Variants in XPR1 observed in about 807,000 individuals in gnomAD.
XPR1 encodes the protein xenotropic and polytropic retrovirus receptor 1.
A neutral mutation model predicts 87.5 loss-of-function variants in XPR1; 28 were observed. The observed-to-expected ratio is 0.32, with a 90% confidence interval of 0.24 to 0.44. The LOEUF (loss-of-function observed/expected upper bound fraction) is 0.44, where lower values mean the gene tolerates loss of function less well. XPR1 is among the 20% of genes least tolerant of loss of function. The pLI, the probability that XPR1 is intolerant of heterozygous loss-of-function variation, is 1.00. For synonymous variants in XPR1, 300 were observed against 306.1 expected, an observed-to-expected ratio of 0.98 and a Z score of 0.21; for missense variants, 559 against 862.3, an observed-to-expected ratio of 0.65 and a Z score of 4.41.
chr1:180,859,155 T>C (rs1390295898), intron 11 of XPR1, among the ~76,000 whole-genome samples: 1 of 14,552 alleles, frequency 6.9e-5, no homozygotes, highest in Non-Finnish European at 1.6e-4. Flanking sequence ...GTAATTTTTC[T>C]GATTTCTCTC....
At chr1:180,642,245 G>A (rs1019349112) in intron 1 of XPR1, among the ~76,000 whole-genome samples, 6 of 152,060 alleles carry the variant, frequency 3.9e-5, no homozygotes, top group Admixed American at 6.5e-5. Context: ...AATTGGCCTC[G>A]TTCCTCTGTA....
chr1:180,659,278 C>T (rs1195105042), intron 1 of XPR1, among the ~76,000 whole-genome samples: 1 of 119,842 alleles, frequency 8.3e-6, no homozygotes, highest in Non-Finnish European at 1.7e-5. Context: ...CCCTCCCTCC[C>T]TTCTTTCCCA....
intron 1 of XPR1, among the ~76,000 whole-genome samples, chr1:180,671,765 G>A (rs1377599780): frequency 3.9e-5 from 6 of 152,122 alleles, no homozygotes; most frequent in African/African-American, 4.8e-5. Flanking sequence ...TGCCTGCTTC[G>A]GCCTCCCAAA....
intron 1 of XPR1, among the ~76,000 whole-genome samples, chr1:180,661,192 G>C (rs1473605323): frequency 2.6e-5 from 4 of 151,316 alleles, no homozygotes; most frequent in African/African-American, 9.7e-5. Flanking sequence ...GTTTCTATTG[G>C]CATGGAATAA....
In XPR1 at chr1:180,656,449, TTATA is replaced by T. The variant is rs1371281550; in HGVS notation, c.69+24183_69+24186del. 2.7e-3 allele frequency among the ~76,000 whole-genome samples: 50 copies of T among 18,680 alleles called. 6 individuals are homozygous for T. Among genetic ancestry groups the T allele is most frequent in the African/African-American group, 6.7e-3 (35 of 5,190 alleles). The allele number at this position is 18,680 out of a possible 152,430, so 12.3% of individuals were successfully genotyped here. On this transcript the variant is annotated intron_variant, in intron 1 of 14. Coordinates refer to ENST00000367590, the MANE Select transcript of XPR1 (RefSeq NM_004736.4). ...TATTTATATATTTATATATAAATATTTATATATTTATATATAATATTTATACATT... is the reference window on the plus strand; with the variant it reads ...TATTTATATATTTATATATAAATATTTATTTATATATAATATTTATACATT...
intron 7 of XPR1, among the ~76,000 whole-genome samples, chr1:180,821,796 G>A (rs571806150): frequency 1.2e-3 from 177 of 152,240 alleles, no homozygotes; most frequent in South Asian, 2.7e-3. Context: ...GAATGCTATT[G>A]TAGTTAGAAT....
intron 2 of XPR1, among the ~76,000 whole-genome samples, chr1:180,716,363 A>G (rs1657995449): frequency 1.3e-5 from 2 of 152,102 alleles, no homozygotes; most frequent in Admixed American, 1.3e-4. Flanking sequence ...TTCTAGGATT[A>G]TAAACATGAG....
intron 2 of XPR1, among the ~76,000 whole-genome samples, chr1:180,774,621 G>A (rs949581463): frequency 1.3e-5 from 2 of 151,518 alleles, no homozygotes. Context: ...GTTAGCCAGG[G>A]TAGTCTCAAT....
intron 1 of XPR1, among the ~76,000 whole-genome samples, chr1:180,637,071 AG>A (rs1481225432): frequency 4.6e-4 from 66 of 142,142 alleles, no homozygotes; most frequent in Non-Finnish European, 7.1e-4. Flanking sequence ...AAAAAAAAAA[AG>A]GAAAAGTAAG....
At chr1:180,759,450 A>T in intron 2 of XPR1, among the ~76,000 whole-genome samples, 1 of 152,226 alleles carries the variant, frequency 6.6e-6, no homozygotes, top group Non-Finnish European at 1.5e-5. Flanking sequence ...CCGATCCCAC[A>T]GAAATACAAA....
chr1:180,790,317 C>G (rs533226353), intron 3 of XPR1, among the ~76,000 whole-genome samples: 1 of 152,032 alleles, frequency 6.6e-6, no homozygotes, highest in East Asian at 1.9e-4. Context: ...TTTAACTTCC[C>G]TTTATACCAA....
At chr1:180,640,948 A>G (rs1654942860) in intron 1 of XPR1, among the ~76,000 whole-genome samples, 1 of 152,194 alleles carries the variant, frequency 6.6e-6, no homozygotes, top group South Asian at 2.1e-4. Flanking sequence ...ATGGGAAAAG[A>G]GGTTAAGTGA....
At chr1:180,735,803 T>C (rs1247734126) in intron 2 of XPR1, among the ~76,000 whole-genome samples, 1 of 152,218 alleles carries the variant, frequency 6.6e-6, no homozygotes, top group Non-Finnish European at 1.5e-5. Flanking sequence ...AAAATATCAT[T>C]TTTATTTGTT....
At chr1:180,667,290 C>A (rs1655997256) in intron 1 of XPR1, among the ~76,000 whole-genome samples, 1 of 152,028 alleles carries the variant, frequency 6.6e-6, no homozygotes, top group African/African-American at 2.4e-5. Flanking sequence ...TATACCTAGT[C>A]TTTTGAATTT....
In XPR1 at chr1:180,863,850, G is replaced by T; in HGVS notation, c.1644G>T (p.Arg548=). ...ATGCTGGAGAGAACACTTTCCTCCGGGAAGAGATTGTATACCCCCAAAAAG... is the reference window on the plus strand; with the variant it reads ...ATGCTGGAGAGAACACTTTCCTCCGTGAAGAGATTGTATACCCCCAAAAAG... ...DKNAGENTFL[R]EEIVYPQKAY... Residue 548 remains arginine, a synonymous_variant, in exon 12 of 15, where the codon CGG becomes CGT. Coordinates refer to ENST00000367590, the MANE Select transcript of XPR1 (RefSeq NM_004736.4). 6.2e-7 allele frequency: 1 copy of T among 1,601,804 alleles called. No individual in the cohort carries two copies. Among genetic ancestry groups the T allele is most frequent in the Non-Finnish European group, 8.5e-7 (1 of 1,176,276 alleles).
chr1:180,834,752 A>T, intron 9 of XPR1, 122 bp from the exon 10 acceptor site: 2 of 1,122,058 alleles, frequency 1.8e-6, no homozygotes, highest in Non-Finnish European at 2.4e-6. Context: ...TGTATTTATG[A>T]TTGGTTCTTT....
intron 2 of XPR1, among the ~76,000 whole-genome samples, chr1:180,707,829 T>G (rs934678897): frequency 1.8e-4 from 28 of 152,316 alleles, no homozygotes; most frequent in African/African-American, 6.7e-4. Context: ...AGGGTCCTGA[T>G]TATGGTTGTG....
At chr1:180,769,192 A>G (rs926693495) in intron 2 of XPR1, among the ~76,000 whole-genome samples, 2 of 152,166 alleles carry the variant, frequency 1.3e-5, no homozygotes, top group Non-Finnish European at 2.9e-5. Context: ...TGCAATGCAT[A>G]GTAGTCACAT....
rs370774135 is a variant in XPR1 at position 180,881,273 on chromosome 1, C to T, written c.2030+976C>T. ...GCACCTCCTGGGTTCACGCCATTCTCCTGCCTCAGCCTCCCGAGTAGCTGG... is the reference window on the plus strand; with the variant it reads ...GCACCTCCTGGGTTCACGCCATTCTTCTGCCTCAGCCTCCCGAGTAGCTGG... On this transcript the variant is annotated intron_variant, in intron 14 of 14. Coordinates refer to ENST00000367590, the MANE Select transcript of XPR1 (RefSeq NM_004736.4). 5.9e-3 allele frequency among the ~76,000 whole-genome samples: 904 copies of T among 152,186 alleles called. 11 individuals carry two copies. Among genetic ancestry groups the T allele is most frequent in the African/African-American group, 0.021 (862 of 41,518 alleles).
Sources: gnomAD v4.1 joint callset for allele counts (sites outside exome capture counted in the v4.1 genomes callset) on GRCh38, gnomAD v4.1.1 for gene constraint, MANE v1.5 for transcripts, NCBI Gene and HGNC (gene_info 2026-07-23, HGNC 2026-07-21) for gene names.